The following CLSTN2 variants were observed in gnomAD, a reference collection of about 807,000 sequenced individuals.
CLSTN2 encodes calsyntenin 2.
CLSTN2 carries 48 observed loss-of-function variants against 101.2 expected under a neutral mutation model. The ratio of observed to expected loss-of-function variants is 0.47; its 90% CI spans 0.38 to 0.60. CLSTN2 has a LOEUF of 0.60. Among genes scored for constraint, CLSTN2 ranks in the 20% least tolerant of loss-of-function variants. The pLI is 0.00. For synonymous variants in CLSTN2, 481 were observed against 463.6 expected, an observed-to-expected ratio of 1.04 and a Z score of -0.48; for missense variants, 1,160 against 1,238.2, an observed-to-expected ratio of 0.94 and a Z score of 0.95.
chr3:140,365,661 A>C (rs2087779371), intron 2 of CLSTN2, among the ~76,000 whole-genome samples: 1 of 152,022 alleles, frequency 6.6e-6, no homozygotes, highest in Admixed American at 6.5e-5. Flanking sequence ...CAGAACCAGG[A>C]CTTCAAAATC....
chr3:140,525,169 C>T (rs866561699), intron 8 of CLSTN2, among the ~76,000 whole-genome samples: 15 of 152,030 alleles, frequency 9.9e-5, no homozygotes, highest in African/African-American at 3.4e-4. Context: ...GTTGCTTTTT[C>T]GAAAGAATAA....
At chr3:140,158,585 G>A (rs528081388) in intron 1 of CLSTN2, among the ~76,000 whole-genome samples, 15 of 152,164 alleles carry the variant, frequency 9.9e-5, no homozygotes, top group Non-Finnish European at 1.8e-4. Context: ...TCATGGATTG[G>A]GAGAATAAAT....
intron 2 of CLSTN2, among the ~76,000 whole-genome samples, chr3:140,331,363 G>A (rs1334544810): frequency 6.6e-6 from 1 of 152,174 alleles, no homozygotes; most frequent in African/African-American, 2.4e-5. Context: ...ACAGTCCACT[G>A]ATTCACATGT....
chr3:139,957,214 C>T (rs950287495), intron 1 of CLSTN2, among the ~76,000 whole-genome samples: 20 of 152,096 alleles, frequency 1.3e-4, no homozygotes, highest in African/African-American at 4.6e-4. Context: ...TCTCCAGCCT[C>T]ATCTCTGCCA....
At chr3:140,405,593 G>A (rs1041212716) in intron 4 of CLSTN2, among the ~76,000 whole-genome samples, 4 of 152,050 alleles carry the variant, frequency 2.6e-5, no homozygotes, top group Admixed American at 2.6e-4. Context: ...TGAGAATGAA[G>A]AATGAAAGAA....
intron 1 of CLSTN2, among the ~76,000 whole-genome samples, chr3:140,134,749 G>A (rs2009574184): frequency 1.3e-5 from 2 of 152,096 alleles, no homozygotes; most frequent in Admixed American, 1.3e-4. Context: ...AGCTGGGCTG[G>A]GGGAAGGAGA....
chr3:140,181,283 T>G (rs902032039), intron 2 of CLSTN2, among the ~76,000 whole-genome samples: 6 of 152,212 alleles, frequency 3.9e-5, no homozygotes, highest in African/African-American at 1.4e-4. Flanking sequence ...TGGTAGCCAG[T>G]AGACACCCAA....
At chr3:140,317,160 CA>C (rs895474518) in intron 2 of CLSTN2, among the ~76,000 whole-genome samples, 1 of 152,016 alleles carries the variant, frequency 6.6e-6, no homozygotes, top group Admixed American at 6.6e-5. Context: ...AAAAAACAAA[CA>C]AAAAAACAAT....
intron 1 of CLSTN2, among the ~76,000 whole-genome samples, chr3:140,054,097 G>T (rs1340212585): frequency 6.6e-6 from 1 of 152,120 alleles, no homozygotes; most frequent in Non-Finnish European, 1.5e-5. Context: ...ACAAGGGGCT[G>T]GTGGTGACCA....
intron 2 of CLSTN2, among the ~76,000 whole-genome samples, chr3:140,191,155 T>C (rs866815355): frequency 3.3e-5 from 5 of 152,236 alleles, no homozygotes; most frequent in Middle Eastern, 6.8e-3. Context: ...CAAATACTTA[T>C]TTCCTGCATT....
At chr3:140,315,651 G>T (rs966671718) in intron 2 of CLSTN2, among the ~76,000 whole-genome samples, 5 of 152,146 alleles carry the variant, frequency 3.3e-5, no homozygotes, top group Non-Finnish European at 7.3e-5. Flanking sequence ...AGATTAAAAG[G>T]TTCAGGTGTC....
chr3:140,459,670 C>T lies in CLSTN2; in HGVS notation c.1123C>T (p.Leu375=). ...KVPDGIVPKN[L]TDQFTITMWM... ...CCCCGATGGGATTGTGCCCAAGAACCTGACCGATCAGTTCACCATCACCAT... is the reference window on the plus strand; with the variant it reads ...CCCCGATGGGATTGTGCCCAAGAACTTGACCGATCAGTTCACCATCACCAT... The change falls in exon 7 of 17, where the codon CTG becomes TTG. Residue 375 remains leucine, a synonymous_variant. Coordinates refer to ENST00000458420, the MANE Select transcript of CLSTN2 (RefSeq NM_022131.3). The T allele has an allele frequency of 1.2e-6, 2 of 1,614,144 alleles. No homozygotes were observed. The highest frequency in any genetic ancestry group is 1.7e-6 in the Non-Finnish European group (2 of 1,180,016).
intron 1 of CLSTN2, among the ~76,000 whole-genome samples, chr3:140,039,198 G>A (rs2007715009): frequency 2.0e-5 from 3 of 152,104 alleles, no homozygotes; most frequent in Non-Finnish European, 4.4e-5. Flanking sequence ...AAATGTGGTA[G>A]TGGTGAACAC....
intron 2 of CLSTN2, among the ~76,000 whole-genome samples, chr3:140,231,026 C>A (rs2086367098): frequency 6.6e-6 from 1 of 152,198 alleles, no homozygotes; most frequent in South Asian, 2.1e-4. Flanking sequence ...AAATAATTAT[C>A]TGATTATAAG....
chr3:140,468,868 C>T (rs1483447194), intron 8 of CLSTN2, among the ~76,000 whole-genome samples: 3 of 152,210 alleles, frequency 2.0e-5, no homozygotes, highest in African/African-American at 4.8e-5. Context: ...TCATTTTGCT[C>T]AAGCTGTCCT....
intron 1 of CLSTN2, among the ~76,000 whole-genome samples, chr3:140,037,824 G>T (rs963825042): frequency 6.6e-6 from 1 of 152,118 alleles, no homozygotes; most frequent in Non-Finnish European, 1.5e-5. Context: ...GTGTTAGTTT[G>T]CTGAGGATAG....
intron 2 of CLSTN2, among the ~76,000 whole-genome samples, chr3:140,253,403 T>A (rs2086579905): frequency 6.6e-6 from 1 of 152,218 alleles, no homozygotes; most frequent in African/African-American, 2.4e-5. Flanking sequence ...CATGTGGCAC[T>A]GGAGGAGTCT....
Position 140,404,737 on chromosome 3 carries a change from C to T in CLSTN2, c.608C>T (p.Thr203Ile). ...ATCTGCAACTATGAAATCGTCACCA[C>T]AGATGTGCCTTTTGCCATCGACAGA... ...SQICNYEIVT[T>I]DVPFAIDRNG... is the part of the protein sequence containing the mutation. The change falls in exon 4 of 17, where the codon ACA becomes ATA. Residue 203 changes from threonine to isoleucine, a missense_variant. Physicochemically the swap from Thr to Ile is moderately conservative, Grantham distance 89 (BLOSUM62 -1). Transcript: ENST00000458420. 1 of 1,614,216 alleles carries T rather than the reference C, an allele frequency of 6.2e-7. No homozygotes were observed. The highest frequency in any genetic ancestry group is 8.5e-7 in the Non-Finnish European group (1 of 1,180,044).
At chr3:140,561,490 A>G (rs1216649553) in intron 12 of CLSTN2, among the ~76,000 whole-genome samples, 1 of 152,242 alleles carries the variant, frequency 6.6e-6, no homozygotes, top group East Asian at 1.9e-4. Flanking sequence ...CCCTGGGAGT[A>G]CATTAATTAT....
Sources: allele counts gnomAD v4.1 joint callset (sites outside exome capture counted in the v4.1 genomes callset), GRCh38; gene constraint gnomAD v4.1.1; transcripts MANE v1.5; gene names NCBI Gene and HGNC (gene_info 2026-07-23, HGNC 2026-07-21).